Variants in AGMO observed in about 807,000 individuals in gnomAD.
AGMO encodes the protein glyceryl-ether monooxygenase.
In AGMO, 75 loss-of-function variants were observed where a neutral mutation model predicts 60.2. The ratio of observed to expected loss-of-function variants is 1.25; its 90% CI spans 1.03 to 1.51. The LOEUF is 1.51. Ranked by LOEUF, AGMO falls within the 40% of genes most tolerant of loss-of-function variation. The pLI is 0.00. For missense variants in AGMO, 763 were observed against 525.5 expected (o/e 1.45, Z -4.42); for synonymous variants, 261 against 177.1 (o/e 1.47, Z -3.76).
intron 12 of AGMO, among the ~76,000 whole-genome samples, chr7:15,322,669 T>A (rs1454914475): frequency 1.2e-5 from 1 of 84,068 alleles, no homozygotes; most frequent in Non-Finnish European, 2.0e-5. Flanking sequence ...TAAATATATA[T>A]AAATATATGT....
intron 3 of AGMO, among the ~76,000 whole-genome samples, chr7:15,500,797 T>A (rs1385519951): frequency 6.6e-6 from 1 of 151,896 alleles, no homozygotes. Context: ...TAATTTGAGA[T>A]CTTTCCAACT....
chr7:15,317,954 CTA>C (rs56387330), intron 12 of AGMO, among the ~76,000 whole-genome samples: 49,884 of 140,534 alleles, frequency 0.35, 10,035 homozygotes, highest in East Asian at 0.5. Flanking sequence ...CACACACACA[CTA>C]TATATATATA....
intron 12 of AGMO, among the ~76,000 whole-genome samples, chr7:15,308,176 A>T (rs938298961): frequency 6.6e-6 from 1 of 152,132 alleles, no homozygotes; most frequent in African/African-American, 2.4e-5. Context: ...AGAATGGAGT[A>T]AATTCTGCTT....
intron 8 of AGMO, among the ~76,000 whole-genome samples, chr7:15,389,829 T>C (rs1784063951): frequency 6.6e-6 from 1 of 152,214 alleles, no homozygotes; most frequent in South Asian, 2.1e-4. Context: ...AATATTTTTC[T>C]GCTGCGCTGT....
At chr7:15,387,341 G>C in intron 9 of AGMO, 65 bp downstream of exon 9, 1 of 1,556,060 alleles carries the variant, frequency 6.4e-7, no homozygotes, top group South Asian at 1.2e-5. Flanking sequence ...GTATGTACAG[G>C]CTGGCTGTAG....
chr7:15,558,275 A>C (rs1240044756), intron 2 of AGMO, among the ~76,000 whole-genome samples: 1 of 152,078 alleles, frequency 6.6e-6, no homozygotes, highest in Non-Finnish European at 1.5e-5. Context: ...TTTGCTGTCA[A>C]ATTCATTGTC....
At chr7:15,300,358 A>T (rs138563802) in intron 12 of AGMO, among the ~76,000 whole-genome samples, 6 of 152,328 alleles carry the variant, frequency 3.9e-5, no homozygotes, top group Non-Finnish European at 5.9e-5. Context: ...CAGCTTAACC[A>T]AATTTGGGTA....
chr7:15,477,785 C>T (rs1218273464), intron 3 of AGMO, among the ~76,000 whole-genome samples: 1 of 152,130 alleles, frequency 6.6e-6, no homozygotes, highest in Non-Finnish European at 1.5e-5. Flanking sequence ...TCTTCAAAAT[C>T]ACTGTTATAA....
At chr7:15,317,880 T>TAC (rs1203357507) in intron 12 of AGMO, among the ~76,000 whole-genome samples, 2 of 149,192 alleles carry the variant, frequency 1.3e-5, no homozygotes, top group East Asian at 2.0e-4. Flanking sequence ...TATATATATA[T>TAC]ACACACGTAT....
At chr7:15,396,076 G>A (rs1784367203) in intron 5 of AGMO, 1 of 152,158 alleles carries the variant, frequency 6.6e-6, no homozygotes, top group South Asian at 2.1e-4. Flanking sequence ...TCTCCCTGTT[G>A]CCCAGCTGCT....
At chr7:15,183,131 T>TC in the AGMO span, among the ~76,000 whole-genome samples, 1 of 150,244 alleles carries the variant, frequency 6.7e-6, no homozygotes, top group African/African-American at 2.4e-5. Flanking sequence ...CAAGTATACT[T>TC]TTTTTTTTTA....
intron 3 of AGMO, among the ~76,000 whole-genome samples, chr7:15,504,069 C>G (rs929190471): frequency 5.9e-5 from 9 of 151,912 alleles, no homozygotes; most frequent in Admixed American, 5.9e-4. Flanking sequence ...TAAGGAGAAA[C>G]TTAGTCATCC....
chr7:15,489,530 G>C (rs1562532884), intron 3 of AGMO, among the ~76,000 whole-genome samples: 1 of 152,174 alleles, frequency 6.6e-6, no homozygotes, highest in Admixed American at 6.5e-5. Flanking sequence ...AGCCAGGAAA[G>C]ATTTATGGAG....
chr7:15,387,280 G>A, intron 9 of AGMO, 126 bp downstream of exon 9: 1 of 1,089,094 alleles, frequency 9.2e-7, no homozygotes, highest in Non-Finnish European at 1.3e-6. Flanking sequence ...TGCACCACAG[G>A]ACTGCATCTG....
At chr7:15,310,150 C>T (rs938202620) in intron 12 of AGMO, among the ~76,000 whole-genome samples, 4 of 152,096 alleles carry the variant, frequency 2.6e-5, no homozygotes, top group South Asian at 2.1e-4. Context: ...ACTTGGCACA[C>T]TTTAAATAGA....
At chr7:15,406,228 T>TACACACAC (rs61400312) in intron 5 of AGMO, among the ~76,000 whole-genome samples, 100 of 136,422 alleles carry the variant, frequency 7.3e-4, no homozygotes, top group Middle Eastern at 3.9e-3. Flanking sequence ...TTGTTTGGAA[T>TACACACAC]ACACACACAC....
chr7:15,389,007 A>C (rs116063255), intron 8 of AGMO, among the ~76,000 whole-genome samples: 2,144 of 152,284 alleles, frequency 0.014, 44 homozygotes, highest in African/African-American at 0.049. Flanking sequence ...TCCTCTCAAA[A>C]TACTAATCAT....
the AGMO span, among the ~76,000 whole-genome samples, chr7:15,190,122 TA>T: frequency 6.6e-4 from 1 of 1,520 alleles, no homozygotes; most frequent in African/African-American, 2.4e-3. Flanking sequence ...TATATATATA[TA>T]TATTTATATA....
At chr7:15,354,099 A>G (rs1272015763) in intron 12 of AGMO, among the ~76,000 whole-genome samples, 1 of 151,922 alleles carries the variant, frequency 6.6e-6, no homozygotes, top group East Asian at 2.0e-4. Context: ...CATGGAAAGA[A>G]AAAGTGACCA....
Sources: gnomAD v4.1 joint callset for allele counts (sites outside exome capture counted in the v4.1 genomes callset) on GRCh38, gnomAD v4.1.1 for gene constraint, MANE v1.5 for transcripts, NCBI Gene and HGNC (gene_info 2026-07-23, HGNC 2026-07-21) for gene names.